NRG3: variants seen among roughly 807,000 people sequenced by gnomAD.
NRG3 encodes pro-neuregulin-3, membrane-bound isoform.
Under a neutral mutation model 66.9 loss-of-function variants are expected in NRG3, and 31 were observed. The observed-to-expected ratio is 0.46, with a 90% CI of 0.35 to 0.63. The LOEUF (loss-of-function observed/expected upper bound fraction) is 0.63. Ranked by LOEUF, NRG3 falls within the 20% of genes least tolerant of loss-of-function variation. The pLI is 0.00. For synonymous variants in NRG3, 393 were observed against 359.4 expected, an observed-to-expected ratio of 1.09 and a Z score of -1.06; for missense variants, 910 against 878.9, an observed-to-expected ratio of 1.04 and a Z score of -0.45.
chr10:82,789,087 A>G (rs892459647), intron 3 of NRG3, among the ~76,000 whole-genome samples: 4 of 152,084 alleles, frequency 2.6e-5, no homozygotes, highest in African/African-American at 9.7e-5. Context: ...CATTTTGAAG[A>G]ACTGTGAAGA....
chr10:82,401,354 TATATGA>T, intron 2 of NRG3, among the ~76,000 whole-genome samples: 1 of 151,708 alleles, frequency 6.6e-6, no homozygotes, highest in East Asian at 1.9e-4. Flanking sequence ...ATTATATGTA[TATATGA>T]ATATGTATGT....
intron 3 of NRG3, among the ~76,000 whole-genome samples, chr10:82,769,564 GTGTTT>G (rs1478579354): frequency 6.6e-6 from 1 of 152,076 alleles, no homozygotes; most frequent in Non-Finnish European, 1.5e-5. Flanking sequence ...ACTGTGATAT[GTGTTT>G]AGGATATGTG....
intron 1 of NRG3, among the ~76,000 whole-genome samples, chr10:82,210,146 A>T (rs2075326840): frequency 6.6e-6 from 1 of 152,172 alleles, no homozygotes; most frequent in Non-Finnish European, 1.5e-5. Context: ...CTCTGCATAA[A>T]TGAATTTATA....
chr10:82,127,031 T>C (rs1417129346), intron 1 of NRG3, among the ~76,000 whole-genome samples: 1 of 152,112 alleles, frequency 6.6e-6, no homozygotes, highest in Admixed American at 6.6e-5. Context: ...TTGTTTTGAC[T>C]TGTTGTTCAA....
At chr10:82,259,271 G>A (rs1050835234) in intron 1 of NRG3, among the ~76,000 whole-genome samples, 19 of 152,104 alleles carry the variant, frequency 1.2e-4, no homozygotes, top group African/African-American at 4.3e-4. Context: ...GGGCCTTTGT[G>A]TGTTTTTGGA....
At chr10:82,900,347 G>T (rs1367474090) in intron 4 of NRG3, among the ~76,000 whole-genome samples, 2 of 152,086 alleles carry the variant, frequency 1.3e-5, no homozygotes, top group Non-Finnish European at 2.9e-5. Flanking sequence ...TATTTTGATA[G>T]TGTTACTATC....
intron 3 of NRG3, among the ~76,000 whole-genome samples, chr10:82,784,792 T>C (rs1175864841): frequency 1.3e-5 from 2 of 152,010 alleles, no homozygotes; most frequent in African/African-American, 2.4e-5. Flanking sequence ...TGGAAGTCAG[T>C]GTGGCGATTC....
intron 1 of NRG3, among the ~76,000 whole-genome samples, chr10:82,095,113 T>G (rs1480800305): frequency 1.3e-5 from 2 of 152,096 alleles, no homozygotes; most frequent in African/African-American, 4.8e-5. Flanking sequence ...TGTGTGAAAT[T>G]TGGATGCTTT....
At chr10:82,654,493 A>G (rs1040331684) in intron 2 of NRG3, among the ~76,000 whole-genome samples, 1 of 152,228 alleles carries the variant, frequency 6.6e-6, no homozygotes, top group African/African-American at 2.4e-5. Flanking sequence ...AGACACACAG[A>G]AATGCTTAAT....
At chr10:82,116,324 C>T (rs573643564) in intron 1 of NRG3, among the ~76,000 whole-genome samples, 22 of 152,146 alleles carry the variant, frequency 1.4e-4, no homozygotes, top group African/African-American at 3.9e-4. Context: ...AAATTAAAGG[C>T]GACTGAAATA....
At chr10:82,797,292 G>A (rs1198291568) in intron 3 of NRG3, among the ~76,000 whole-genome samples, 1 of 152,130 alleles carries the variant, frequency 6.6e-6, no homozygotes, top group Admixed American at 6.5e-5. Flanking sequence ...ACATCTTTCA[G>A]TTAACTTGGC....
chr10:82,816,116 G>A (rs1375946386), intron 3 of NRG3, among the ~76,000 whole-genome samples: 1 of 152,236 alleles, frequency 6.6e-6, no homozygotes, highest in East Asian at 1.9e-4. Context: ...GATCCCCTAT[G>A]TCTGGGCTCC....
intron 4 of NRG3, among the ~76,000 whole-genome samples, chr10:82,877,362 T>C (rs995959171): frequency 1.1e-4 from 16 of 141,938 alleles, no homozygotes; most frequent in Non-Finnish European, 7.5e-5. Flanking sequence ...GTTCAGTGCA[T>C]AGGGCAGACT....
In NRG3 at chr10:82,979,088, G is replaced by T. The variant is rs761374063; in HGVS notation, c.1551G>T (p.Arg517Ser). ...CATATCAGCAACTCGAAGAATCAAG[G>T]ATCCCAGACCAGGATACGATACCTT... ...GPAYQQLEES[R>S]IPDQDTIPCQ... The change falls in exon 8 of 9, where the codon AGG becomes AGT. Residue 517 changes from arginine (R) to serine (S), a missense_variant. By Grantham distance (110) the Arg-to-Ser change is moderately radical. Coordinates refer to ENST00000372141, the MANE Select transcript of NRG3 (RefSeq NM_001010848.4). 28 of 1,613,970 alleles carry T rather than the reference G, an allele frequency of 1.7e-5. No individual in the cohort carries two copies. Among genetic ancestry groups the T allele is most frequent in the East Asian group, 4.5e-5 (2 of 44,876 alleles).
intron 2 of NRG3, among the ~76,000 whole-genome samples, chr10:82,611,451 A>T (rs1001388818): frequency 3.3e-5 from 5 of 151,784 alleles, no homozygotes; most frequent in Admixed American, 1.3e-4. Context: ...CTGGTGTGTG[A>T]TGTTCCCCAC....
intron 1 of NRG3, among the ~76,000 whole-genome samples, chr10:82,090,139 T>C (rs922166468): frequency 1.3e-5 from 2 of 152,236 alleles, no homozygotes; most frequent in Non-Finnish European, 2.9e-5. Context: ...CAGACGCACG[T>C]TACCATGCAG....
At chr10:82,511,098 A>G (rs975178910) in intron 2 of NRG3, among the ~76,000 whole-genome samples, 34 of 152,284 alleles carry the variant, frequency 2.2e-4, no homozygotes, top group Admixed American at 1.6e-3. Flanking sequence ...GTAAGGCTGG[A>G]TGTTTGGTTC....
At chr10:82,041,824 C>CTG (rs1564762078) in intron 1 of NRG3, among the ~76,000 whole-genome samples, 11 of 72,720 alleles carry the variant, frequency 1.5e-4, no homozygotes, top group Non-Finnish European at 2.2e-4. Context: ...CTCTCTCTCT[C>CTG]TCTCTGTCTA....
intron 1 of NRG3, among the ~76,000 whole-genome samples, chr10:82,314,855 C>T (rs146760270): frequency 6.6e-6 from 1 of 152,168 alleles, no homozygotes; most frequent in East Asian, 1.9e-4. Context: ...AAAGAGTTCA[C>T]GGGAGGTAAG....
Sources: allele counts gnomAD v4.1 joint callset (sites outside exome capture counted in the v4.1 genomes callset), GRCh38; gene constraint gnomAD v4.1.1; transcripts MANE v1.5; gene names NCBI Gene and HGNC (gene_info 2026-07-23, HGNC 2026-07-21).